The following ASNSD1 variants were observed in gnomAD, a reference collection of about 807,000 sequenced individuals.
ASNSD1 encodes asparagine synthetase domain containing 1.
A neutral mutation model predicts 48.3 loss-of-function variants in ASNSD1; 36 were observed. The observed-to-expected ratio is 0.75, with a 90% CI of 0.57 to 0.99. The LOEUF (loss-of-function observed/expected upper bound fraction) is 0.99, where lower values mean the gene tolerates loss of function less well. ASNSD1 is among the 50% of genes least tolerant of loss of function. ASNSD1 has a pLI of 0.00. For missense variants in ASNSD1, 714 were observed against 758.2 expected (o/e 0.94, Z 0.69); for synonymous variants, 257 against 262.1 (o/e 0.98, Z 0.19).
chr2:189,662,621 C>T (rs1386821385), intron 1 of ASNSD1, among the ~76,000 whole-genome samples: 2 of 152,188 alleles, frequency 1.3e-5, no homozygotes, highest in Admixed American at 6.5e-5. Context: ...TAGCAAGCCA[C>T]TTACGCATAC....
In ASNSD1 at chr2:189,667,198, T is replaced by C. The variant is rs765306857; in HGVS notation, c.1066T>C (p.Phe356Leu). 6.2e-7 allele frequency: 1 copy of C among 1,614,198 alleles called. No individual in the cohort carries two copies. The highest frequency in any genetic ancestry group is 8.5e-7 in the Non-Finnish European group (1 of 1,180,020). Residue 356 changes from phenylalanine to leucine, a missense_variant, in exon 4 of 6, where the codon TTC becomes CTC. Phe to Leu is a conservative substitution (Grantham distance 22). Coordinates refer to ENST00000260952, the MANE Select transcript of ASNSD1 (RefSeq NM_019048.4). ...ACCAATTGATCTTCTTAATGTAGCT[T>C]TCATAGCTGAAGAAAAGACCATGCC... ...DEPIDLLNVA[F>L]IAEEKTMPTT...
At chr2:189,664,070 A>G (rs1308784991) in intron 2 of ASNSD1, 116 bp downstream of exon 2, 1 of 334,324 alleles carries the variant, frequency 3.0e-6, no homozygotes, top group Non-Finnish European at 5.4e-6. Context: ...AATGTATAGT[A>G]TTTCAGCATC....
At position 189,665,634 on chromosome 2, in the gene ASNSD1, ATATATATATATATT is replaced by A. The variant is rs1277086983; in HGVS notation, c.-93+184_-93+197del. Among the ~76,000 whole-genome samples the A allele has an allele frequency of 1.4e-4, 17 of 124,596 alleles. 1 individual carries two copies. The highest frequency in any genetic ancestry group is 9.5e-4 in the East Asian group (4 of 4,196). The allele number at this position is 124,596 out of a possible 152,430, so 81.7% of individuals were successfully genotyped here. A position where few individuals can be genotyped will look rare whatever the true frequency, so the allele number is the denominator to read the frequency against. On this transcript the variant is annotated intron_variant, in intron 3 of 5. Coordinates refer to ENST00000260952, the MANE Select transcript of ASNSD1 (RefSeq NM_019048.4). Reference sequence around the variant, plus strand: ...TATATATATATATATATATATATATATATATATATATATTATAAATGTTTTAGAAAGCAATAGTT... The same window carrying A: ...TATATATATATATATATATATATATAATAAATGTTTTAGAAAGCAATAGTT...
At chr2:189,661,907 A>G (rs1350099540) in intron 1 of ASNSD1, among the ~76,000 whole-genome samples, 1 of 152,068 alleles carries the variant, frequency 6.6e-6, no homozygotes, top group Non-Finnish European at 1.5e-5. Flanking sequence ...AATACCGCCC[A>G]CCCCAAATCT....
intron 5 of ASNSD1, among the ~76,000 whole-genome samples, chr2:189,670,192 A>G (rs2032897265): frequency 6.8e-6 from 1 of 147,000 alleles, no homozygotes; most frequent in Non-Finnish European, 1.5e-5. Flanking sequence ...CACCTAGGCA[A>G]AAAAAAAAAA....
chr2:189,666,256 G>T lies in ASNSD1; in HGVS notation c.124G>T (p.Asp42Tyr). 1 of 1,614,106 alleles carries T rather than the reference G, an allele frequency of 6.2e-7. No individual in the cohort carries two copies. The highest frequency in any genetic ancestry group is 8.5e-7 in the Non-Finnish European group (1 of 1,179,998). ...TAGTAGTAAACAATTGTTAAAGTCT[G>T]ATGTTAACTACCAGTGTTTATTTTC... ...PNSSKQLLKS[D>Y]VNYQCLFSAH... The change falls in exon 4 of 6, where the codon GAT becomes TAT. Residue 42 changes from aspartate (D) to tyrosine (Y), a missense_variant. Coordinates refer to ENST00000260952, the MANE Select transcript of ASNSD1 (RefSeq NM_019048.4).
chr2:189,667,897 A>T lies in ASNSD1; in HGVS notation c.1598A>T (p.Asn533Ile). Reference sequence around the variant, plus strand: ...GAACTGGGTCGAATTTCTTCTAGAAATCTTGGTCGTGATGACAGAGTTATT... The same window carrying T: ...GAACTGGGTCGAATTTCTTCTAGAATTCTTGGTCGTGATGACAGAGTTATT... ...MMELGRISSR[N>I]LGRDDRVIGD... Residue 533 changes from asparagine to isoleucine, a missense_variant, in exon 5 of 6, where the codon AAT (asparagine) becomes ATT (isoleucine). Physicochemically the swap from Asn to Ile is moderately radical, Grantham distance 149. Transcript: ENST00000260952. The T allele has an allele frequency of 6.2e-7, 1 of 1,613,982 alleles. No homozygotes were observed. The highest frequency in any genetic ancestry group is 8.5e-7 in the Non-Finnish European group (1 of 1,180,000).
rs2032827414 is a variant in ASNSD1, at chr2:189,667,187, T to C, written c.1055T>C (p.Leu352Pro). 1 of 1,614,242 alleles carries C rather than the reference T, an allele frequency of 6.2e-7. No individual in the cohort carries two copies. The highest frequency in any genetic ancestry group is 8.5e-7 in the Non-Finnish European group (1 of 1,180,032). The part of the protein sequence containing the change: ...HIPLDEPIDL[L>P]NVAFIAEEKT... Reference sequence around the variant, plus strand: ...CCTTTAGATGAACCAATTGATCTTCTTAATGTAGCTTTCATAGCTGAAGAA... The same window carrying C: ...CCTTTAGATGAACCAATTGATCTTCCTAATGTAGCTTTCATAGCTGAAGAA... The change falls in exon 4 of 6, where the codon CTT (leucine) becomes CCT (proline). Residue 352 changes from leucine (L) to proline (P), a missense_variant. Transcript: ENST00000260952.
Position 189,670,585 on chromosome 2 carries a change from T to C in ASNSD1, c.1791T>C (p.Ala597=), listed in dbSNP as rs1171409373. 6.2e-7 allele frequency: 1 copy of C among 1,614,096 alleles called. No individual in the cohort carries two copies. Among genetic ancestry groups the C allele is most frequent in the Admixed American group, 1.7e-5 (1 of 60,024 alleles). Residue 597 remains alanine (A), a synonymous_variant, in exon 6 of 6, where the codon GCT becomes GCC. Coordinates refer to ENST00000260952, the MANE Select transcript of ASNSD1 (RefSeq NM_019048.4). ...AAVELGLTAS[A]LLPKRAMQFG... is the part of the protein sequence containing the mutation. ...TGGAACTTGGTCTTACAGCCTCTGCTCTTCTGCCCAAACGGGCCATGCAGT... is the reference window on the plus strand; with the variant it reads ...TGGAACTTGGTCTTACAGCCTCTGCCCTTCTGCCCAAACGGGCCATGCAGT...
Position 189,670,604 on chromosome 2 carries a change from A to G in ASNSD1, c.1810A>G (p.Met604Val). 1.2e-6 allele frequency: 2 copies of G among 1,614,136 alleles called. No homozygotes were observed. The highest frequency in any genetic ancestry group is 1.7e-6 in the Non-Finnish European group (2 of 1,179,986). The change falls in exon 6 of 6, where the codon ATG becomes GTG. Residue 604 changes from methionine (M) to valine (V), a missense_variant. By Grantham distance (21) the Met-to-Val change is conservative. Transcript: ENST00000260952. ...TASALLPKRA[M>V]QFGSRIAKME... Reference sequence around the variant, plus strand: ...CTCTGCTCTTCTGCCCAAACGGGCCATGCAGTTTGGATCAAGAATTGCAAA... The same window carrying G: ...CTCTGCTCTTCTGCCCAAACGGGCCGTGCAGTTTGGATCAAGAATTGCAAA...
intron 3 of ASNSD1, among the ~76,000 whole-genome samples, 193 bp downstream of exon 3, chr2:189,665,644 A>G (rs182459123): frequency 0.017 from 2,161 of 123,618 alleles, 167 homozygotes; most frequent in African/African-American, 0.049. Context: ...ATATATATAT[A>G]TATTATAAAT....
At chr2:189,661,735 C>T (rs1160004512) in intron 1 of ASNSD1, 125 bp downstream of exon 1, 1 of 397,894 alleles carries the variant, frequency 2.5e-6, no homozygotes. Context: ...CTACTTTGCT[C>T]TTTTTATTCA....
chr2:189,670,333 AG>A, intron 5 of ASNSD1, 107 bp from the exon 6 acceptor site: 1 of 811,340 alleles, frequency 1.2e-6, no homozygotes, highest in Non-Finnish European at 1.9e-6. Flanking sequence ...TATTAAAATT[AG>A]TCATGTTGTG....
intron 1 of ASNSD1, among the ~76,000 whole-genome samples, chr2:189,662,580 A>G (rs1324871085): frequency 6.6e-6 from 1 of 152,178 alleles, no homozygotes. Context: ...TGAATTTTCA[A>G]AAGACACACA....
Position 189,663,015 on chromosome 2 carries a change from A to C in ASNSD1, c.-222-886A>C, listed in dbSNP as rs188692442. Reference sequence around the variant, plus strand: ...CTCTATGCTAGTCATTGAGATAAAAAGAGGGAAAAATACCAAGATGGAACA... The same window carrying C: ...CTCTATGCTAGTCATTGAGATAAAACGAGGGAAAAATACCAAGATGGAACA... On this transcript the variant is annotated intron_variant, in intron 1 of 5. Coordinates refer to ENST00000260952, the MANE Select transcript of ASNSD1 (RefSeq NM_019048.4). Among the ~76,000 whole-genome samples, 673 of 151,828 alleles carry C rather than the reference A, an allele frequency of 4.4e-3. 2 individuals carry two copies. The highest frequency in any genetic ancestry group is 0.015 in the African/African-American group (639 of 41,448).
rs893782 is a variant in ASNSD1, at chr2:189,670,812, C to T, written c.*86C>T. On this transcript the variant is annotated 3_prime_UTR_variant, in exon 6 of 6. Transcript: ENST00000260952. ...ACTCTGCTGCTTTACTATTGTATAA[C>T]ATAGTAGTTTTAAAGTTCATTTGGT... 1 allele frequency: 1,022,440 copies of T among 1,025,542 alleles called. 509,740 individuals are homozygous for T. Among genetic ancestry groups the T allele is most frequent in the East Asian group, 1 (33,824 of 33,824 alleles). 63.5% of individuals were successfully genotyped at this position (1,025,542 alleles called of 1,614,324 possible).
At chr2:189,670,220 T>G (rs993177248) in intron 5 of ASNSD1, among the ~76,000 whole-genome samples, 4 of 152,116 alleles carry the variant, frequency 2.6e-5, no homozygotes, top group African/African-American at 9.7e-5. Context: ...CATGTTTGTT[T>G]TCAAGGCCTC....
chr2:189,666,645 A>G lies in ASNSD1; in HGVS notation c.513A>G (p.Gln171=). The G allele has an allele frequency of 6.2e-7, 1 of 1,614,180 alleles. No homozygotes were observed. The highest frequency in any genetic ancestry group is 8.5e-7 in the Non-Finnish European group (1 of 1,180,038). Residue 171 remains glutamine (Q), a synonymous_variant, in exon 4 of 6, where the codon CAA becomes CAG. Transcript: ENST00000260952. The part of the protein sequence containing the change: ...TQTSGLANQW[Q]EVPASGLFRI... Reference sequence around the variant, plus strand: ...CATCTGGATTGGCAAATCAGTGGCAAGAAGTTCCAGCATCTGGACTTTTCA... The same window carrying G: ...CATCTGGATTGGCAAATCAGTGGCAGGAAGTTCCAGCATCTGGACTTTTCA...
Position 189,667,109 on chromosome 2 carries a change from T to C in ASNSD1, c.977T>C (p.Phe326Ser). The C allele has an allele frequency of 6.2e-7, 1 of 1,614,210 alleles. No individual in the cohort carries two copies. The highest frequency in any genetic ancestry group is 2.2e-5 in the East Asian group (1 of 44,884). ...CDRKANVAIL[F>S]SGGIDSMVIA... ...AGGAAAGCAAATGTTGCAATCCTGT[T>C]TTCTGGGGGCATTGATTCCATGGTT... Residue 326 changes from phenylalanine to serine, a missense_variant, in exon 4 of 6, where the codon TTT becomes TCT. Physicochemically the swap from Phe to Ser is radical, Grantham distance 155. Transcript: ENST00000260952.
Sources: gnomAD v4.1 joint callset for allele counts (sites outside exome capture counted in the v4.1 genomes callset) on GRCh38, gnomAD v4.1.1 for gene constraint, MANE v1.5 for transcripts, NCBI Gene and HGNC (gene_info 2026-07-23, HGNC 2026-07-21) for gene names.